Variants in PPP2R2B observed in about 807,000 individuals in gnomAD.
PPP2R2B encodes the protein serine/threonine-protein phosphatase 2A 55 kDa regulatory subunit B beta isoform.
In PPP2R2B, 5 loss-of-function variants were observed where a neutral mutation model predicts 46.0. That is an observed-to-expected ratio of 0.11 (90% confidence interval 0.06 to 0.23). PPP2R2B has a LOEUF of 0.23. PPP2R2B is among the 10% of genes least tolerant of loss of function. PPP2R2B has a pLI of 1.00. For synonymous variants in PPP2R2B, 215 were observed against 206.7 expected, an observed-to-expected ratio of 1.04 and a Z score of -0.34; for missense variants, 367 against 575.0, an observed-to-expected ratio of 0.64 and a Z score of 3.70.
intron 1 of PPP2R2B, among the ~76,000 whole-genome samples, chr5:146,992,094 G>A (rs369099939): frequency 7.9e-4 from 120 of 152,158 alleles, no homozygotes; most frequent in East Asian, 4.2e-3. Context: ...AGAACAAAGA[G>A]TTATTAAACC....
intron 1 of PPP2R2B, among the ~76,000 whole-genome samples, chr5:146,939,920 A>C (rs1440748397): frequency 6.6e-6 from 1 of 152,184 alleles, no homozygotes; most frequent in Admixed American, 6.5e-5. Flanking sequence ...ACTTGTTTAT[A>C]GAGTTTGGCT....
intron 1 of PPP2R2B, chr5:146,917,929 A>C (rs1763452469): frequency 6.6e-6 from 1 of 152,238 alleles, no homozygotes; most frequent in African/African-American, 2.4e-5. Flanking sequence ...AAACAGAGTC[A>C]TCTCAAATAC....
At chr5:146,948,581 G>T (rs1224953521) in intron 1 of PPP2R2B, among the ~76,000 whole-genome samples, 2 of 140,472 alleles carry the variant, frequency 1.4e-5, no homozygotes, top group Non-Finnish European at 3.0e-5. Context: ...GAAAACAAAG[G>T]GAAAAAAAGA....
intron 5 of PPP2R2B, among the ~76,000 whole-genome samples, chr5:146,680,408 G>T (rs967711859): frequency 4.0e-5 from 6 of 150,410 alleles, no homozygotes; most frequent in Admixed American, 1.3e-4. Context: ...GGTGGGGTGG[G>T]GAGGGAGGGA....
intron 8 of PPP2R2B, among the ~76,000 whole-genome samples, chr5:146,594,723 C>T (rs979263562): frequency 2.0e-5 from 3 of 152,202 alleles, no homozygotes; most frequent in African/African-American, 7.2e-5. Context: ...GGAGTGCACA[C>T]TCTGAGCTGC....
At chr5:146,644,995 C>T (rs183332142) in intron 6 of PPP2R2B, among the ~76,000 whole-genome samples, 8 of 152,268 alleles carry the variant, frequency 5.3e-5, no homozygotes, top group Non-Finnish European at 1.0e-4. Context: ...CGCTTTTCTG[C>T]AGGGCTGAGT....
intron 5 of PPP2R2B, among the ~76,000 whole-genome samples, chr5:146,662,955 G>T (rs1309416379): frequency 6.6e-6 from 1 of 152,088 alleles, no homozygotes; most frequent in African/African-American, 2.4e-5. Flanking sequence ...TTAGTAAAGA[G>T]ATGTAAATTA....
chr5:146,650,448 C>T (rs1473190992), intron 6 of PPP2R2B, 99 bp downstream of exon 6: 4 of 1,118,424 alleles, frequency 3.6e-6, no homozygotes, highest in Non-Finnish European at 5.1e-6. Context: ...TCCGCAAATG[C>T]TAGGTGTTGC....
At chr5:146,850,620 T>C (rs1444567791) in intron 2 of PPP2R2B, among the ~76,000 whole-genome samples, 1 of 152,108 alleles carries the variant, frequency 6.6e-6, no homozygotes, top group Non-Finnish European at 1.5e-5. Context: ...AGCTAACTCT[T>C]ATTATGACTT....
At chr5:146,977,535 C>T (rs1752974550) in intron 1 of PPP2R2B, among the ~76,000 whole-genome samples, 1 of 152,122 alleles carries the variant, frequency 6.6e-6, no homozygotes, top group Non-Finnish European at 1.5e-5. Context: ...AGCTCCCCAC[C>T]CACCAATAGG....
chr5:146,768,006 T>C (rs541356228), intron 2 of PPP2R2B, among the ~76,000 whole-genome samples: 2 of 152,280 alleles, frequency 1.3e-5, no homozygotes, highest in Admixed American at 1.3e-4. Context: ...GGGAAAAATA[T>C]CTTATTAGAG....
chr5:146,631,490 C>G (rs959608108), intron 7 of PPP2R2B, among the ~76,000 whole-genome samples: 2 of 152,174 alleles, frequency 1.3e-5, no homozygotes, highest in African/African-American at 4.8e-5. Flanking sequence ...AGGTCTTTGG[C>G]AAGTCAAGTC....
chr5:146,690,922 A>AAAGCATGG (rs1778808698), intron 5 of PPP2R2B, among the ~76,000 whole-genome samples: 1 of 152,232 alleles, frequency 6.6e-6, no homozygotes, highest in Non-Finnish European at 1.5e-5. Context: ...GACAAAAGGA[A>AAAGCATGG]AAGCATGGAT....
At chr5:146,832,342 G>A (rs142656298) in intron 2 of PPP2R2B, among the ~76,000 whole-genome samples, 1 of 147,282 alleles carries the variant, frequency 6.8e-6, no homozygotes, top group Non-Finnish European at 1.5e-5. Context: ...TCCATTCATG[G>A]TAAGTGCCCT....
intron 1 of PPP2R2B, among the ~76,000 whole-genome samples, chr5:146,885,970 A>AT (rs534470249): frequency 0.012 from 1,785 of 152,164 alleles, 26 homozygotes; most frequent in Non-Finnish European, 0.02. Flanking sequence ...GGGACTGAGG[A>AT]TAAAAAAAAA....
chr5:146,839,145 C>T (rs540930683), intron 2 of PPP2R2B, among the ~76,000 whole-genome samples: 3 of 152,244 alleles, frequency 2.0e-5, no homozygotes, highest in Non-Finnish European at 4.4e-5. Context: ...CTAGTCTATT[C>T]GATCTTGTGG....
At chr5:147,001,152 T>C (rs893612655) in intron 1 of PPP2R2B, among the ~76,000 whole-genome samples, 5 of 152,138 alleles carry the variant, frequency 3.3e-5, no homozygotes, top group South Asian at 2.1e-4. Context: ...AATGGACCAA[T>C]CACCAGGGTG....
chr5:146,795,758 G>A (rs373960607), intron 2 of PPP2R2B, among the ~76,000 whole-genome samples: 9 of 152,204 alleles, frequency 5.9e-5, no homozygotes, highest in Middle Eastern at 3.4e-3. Context: ...ATATCAAAAC[G>A]TCAGGTTGTG....
chr5:146,719,557 C>T (rs182680659), intron 2 of PPP2R2B, among the ~76,000 whole-genome samples: 6 of 152,178 alleles, frequency 3.9e-5, no homozygotes, highest in African/African-American at 1.2e-4. Context: ...TAGCATGATG[C>T]CTTGCACATT....
Sources: gnomAD v4.1 joint callset for allele counts (sites outside exome capture counted in the v4.1 genomes callset) on GRCh38, gnomAD v4.1.1 for gene constraint, MANE v1.5 for transcripts, NCBI Gene and HGNC (gene_info 2026-07-23, HGNC 2026-07-21) for gene names.